Variants in LRRC72 observed in about 807,000 individuals in gnomAD.
LRRC72 encodes the protein leucine-rich repeat-containing protein 72.
Under a neutral mutation model 35.8 loss-of-function variants are expected in LRRC72, and 41 were observed. The ratio of observed to expected loss-of-function variants is 1.15; its 90% confidence interval spans 0.89 to 1.49. The LOEUF is 1.49. LRRC72 is among the 40% of genes most tolerant of loss of function. The pLI is 0.00. For missense variants in LRRC72, 389 were observed against 330.7 expected, an observed-to-expected ratio of 1.18 and a Z score of -1.37; for synonymous variants, 118 against 119.2, an observed-to-expected ratio of 0.99 and a Z score of 0.07.
At chr7:16,559,102 A>G in intron 5 of LRRC72, 103 bp downstream of exon 5, 1 of 677,896 alleles carries the variant, frequency 1.5e-6, no homozygotes, top group South Asian at 2.4e-5. Flanking sequence ...GTTTATAATT[A>G]AGATATTTAG....
Position 16,569,118 on chromosome 7 carries a change from C to T in LRRC72, c.670+1575C>T, listed in dbSNP as rs77072024. 7.4e-4 allele frequency among the ~76,000 whole-genome samples: 112 copies of T among 152,234 alleles called. 2 individuals are homozygous for T. The East Asian group carries it at 0.017, about 23-fold the overall frequency. The stretch of plus-strand genomic sequence containing the variant: ...TATATTTACCGCCCTCCATATCTGA[C>T]GCTTTGCCTCTTTATTTAAGGACAG... On this transcript the variant is annotated intron_variant, in intron 7 of 8. Transcript: ENST00000401542.
At chr7:16,532,432 G>C (rs942640377) in intron 1 of LRRC72, 63 bp from the exon 2 acceptor site, 1 of 1,137,098 alleles carries the variant, frequency 8.8e-7, no homozygotes, top group African/African-American at 1.5e-5. Context: ...GTTACTGACT[G>C]CAAGTGCCTC....
In LRRC72 at chr7:16,532,546, T is replaced by C; in HGVS notation, c.142T>C (p.Phe48Leu). 1 of 1,549,720 alleles carries C rather than the reference T, an allele frequency of 6.5e-7. No homozygotes were observed. Among genetic ancestry groups the C allele is most frequent in the Non-Finnish European group, 8.7e-7 (1 of 1,146,140 alleles). Reference sequence around the variant, plus strand: ...TGGCCACAGGAGGGATGCTGATGTCTTTGAGCTGTTCCTTTCTAAAAAGTA... The same window carrying C: ...TGGCCACAGGAGGGATGCTGATGTCCTTGAGCTGTTCCTTTCTAAAAAGTA... ...ICGHRRDADVFELFLSKKELT... is the reference protein window; with the variant it reads ...ICGHRRDADVLELFLSKKELT... The change falls in exon 2 of 9, where the codon TTT becomes CTT. Residue 48 changes from phenylalanine (F) to leucine (L), a missense_variant. Physicochemically the swap from Phe to Leu is conservative, Grantham distance 22. Coordinates refer to ENST00000401542, the MANE Select transcript of LRRC72 (RefSeq NM_001195280.2).
chr7:16,535,991 G>A (rs1337926306), intron 2 of LRRC72, among the ~76,000 whole-genome samples: 1 of 152,144 alleles, frequency 6.6e-6, no homozygotes, highest in Non-Finnish European at 1.5e-5. Flanking sequence ...TCCTGCCTCA[G>A]TCTCCTAAGT....
chr7:16,559,031 T>G, intron 5 of LRRC72, 32 bp downstream of exon 5: 1 of 1,187,546 alleles, frequency 8.4e-7, no homozygotes, highest in Non-Finnish European at 1.2e-6. Context: ...TGGCCATAAG[T>G]TAAAATAGTA....
chr7:16,561,171 T>G (rs1008223691), intron 5 of LRRC72, among the ~76,000 whole-genome samples: 5 of 152,198 alleles, frequency 3.3e-5, no homozygotes, highest in African/African-American at 1.2e-4. Flanking sequence ...AGGACTCAAA[T>G]TTGAACAAGA....
chr7:16,558,903 C>T lies in LRRC72; in HGVS notation c.331C>T (p.Pro111Ser). 2 of 1,466,370 alleles carry T rather than the reference C, an allele frequency of 1.4e-6. No individual in the cohort carries two copies. The highest frequency in any genetic ancestry group is 2.9e-5 in the South Asian group (2 of 68,404). The allele number at this position is 1,466,370 out of a possible 1,614,324, so 90.8% of individuals were successfully genotyped here. The stretch of plus-strand genomic sequence containing the variant: ...GTTTTTTTTAGGTCTGCATTATTTG[C>T]CTTCATTGCATATACTCCTGCTACA... ...IFEIEGLHYL[P>S]SLHILLLHHN... Residue 111 changes from proline (P) to serine (S), a missense_variant, in exon 5 of 9, where the codon CCT becomes TCT. By Grantham distance (74) the Pro-to-Ser change is moderately conservative. Coordinates refer to ENST00000401542, the MANE Select transcript of LRRC72 (RefSeq NM_001195280.2).
At chr7:16,534,315 T>A (rs150641589) in intron 2 of LRRC72, among the ~76,000 whole-genome samples, 29 of 152,312 alleles carry the variant, frequency 1.9e-4, no homozygotes, top group African/African-American at 5.3e-4. Flanking sequence ...CACCTTATAA[T>A]GTAACAGCCC....
intron 3 of LRRC72, among the ~76,000 whole-genome samples, chr7:16,541,133 A>G (rs1260832679): frequency 6.6e-6 from 1 of 152,198 alleles, no homozygotes; most frequent in Non-Finnish European, 1.5e-5. Context: ...CAAGCAAAAG[A>G]GCAAGACCGA....
Position 16,558,225 on chromosome 7 carries a change from G to GA in LRRC72, c.317-656dup, listed in dbSNP as rs1012635990. ...TATAAATCTAAGTAGCATTGACAAG[G>GA]AAAAAAAACCCCAAAACTAAAACCA... On this transcript the variant is annotated intron_variant, in intron 4 of 8. Coordinates refer to ENST00000401542, the MANE Select transcript of LRRC72 (RefSeq NM_001195280.2). Among the ~76,000 whole-genome samples the GA allele has an allele frequency of 7.3e-5, 11 of 151,672 alleles. 1 individual carries two copies. The highest frequency in any genetic ancestry group is 2.2e-4 in the African/African-American group (9 of 41,376).
At chr7:16,567,018 T>C (rs1782856199) in intron 6 of LRRC72, among the ~76,000 whole-genome samples, 2 of 152,152 alleles carry the variant, frequency 1.3e-5, no homozygotes, top group Admixed American at 1.3e-4. Context: ...TTCTTAATAG[T>C]TTATTACTGA....
chr7:16,527,102 A>C, intron 1 of LRRC72, 60 bp downstream of exon 1: 1 of 1,384,882 alleles, frequency 7.2e-7, no homozygotes, highest in Non-Finnish European at 9.9e-7. Flanking sequence ...CCAGGGCCCC[A>C]CCTCCTGCCT....
intron 3 of LRRC72, among the ~76,000 whole-genome samples, chr7:16,540,349 A>G (rs536309332): frequency 2.5e-4 from 38 of 152,320 alleles, no homozygotes; most frequent in Non-Finnish European, 4.7e-4. Flanking sequence ...CATTTACCCA[A>G]TGCCTGTACC....
intron 3 of LRRC72, among the ~76,000 whole-genome samples, chr7:16,540,805 AC>A (rs776736870): frequency 1.6e-4 from 24 of 152,146 alleles, no homozygotes; most frequent in Non-Finnish European, 3.5e-4. Context: ...TTTGCCTTAC[AC>A]CATGACTGTA....
intron 2 of LRRC72, among the ~76,000 whole-genome samples, chr7:16,536,319 G>C (rs1158388650): frequency 6.6e-6 from 1 of 151,974 alleles, no homozygotes; most frequent in African/African-American, 2.4e-5. Context: ...GAACAACAGG[G>C]AAAAATTTGA....
At chr7:16,546,317 C>T (rs1782442094) in intron 3 of LRRC72, among the ~76,000 whole-genome samples, 2 of 151,970 alleles carry the variant, frequency 1.3e-5, no homozygotes, top group Admixed American at 1.3e-4. Context: ...GTTTTTCAAC[C>T]TTGCTACTAT....
Position 16,567,434 on chromosome 7 carries a change from C to A in LRRC72, c.561C>A (p.Asn187Lys). ...KERRSMITIF[N>K]HKKAHIVQSI... The stretch of plus-strand genomic sequence containing the variant: ...GAAGATCAATGATTACCATTTTTAA[C>A]CATAAAAAGGCTCATATCGTTCAAT... Residue 187 changes from asparagine (N) to lysine (K), a missense_variant, in exon 7 of 9, where the codon AAC becomes AAA. Transcript: ENST00000401542. 1 of 1,514,338 alleles carries A rather than the reference C, an allele frequency of 6.6e-7. No homozygotes were observed. Among genetic ancestry groups the A allele is most frequent in the Non-Finnish European group, 8.8e-7 (1 of 1,130,798 alleles). 93.8% of individuals were successfully genotyped at this position (1,514,338 alleles called of 1,614,324 possible). A position where few individuals can be genotyped will look rare whatever the true frequency, so the allele number is the denominator to read the frequency against.
At chr7:16,563,141 G>A (rs1343456222) in intron 5 of LRRC72, among the ~76,000 whole-genome samples, 1 of 152,088 alleles carries the variant, frequency 6.6e-6, no homozygotes, top group African/African-American at 2.4e-5. Context: ...ATTAAAATTG[G>A]GATGTTGGTC....
At position 16,581,398 on chromosome 7, in the gene LRRC72, T is replaced by G; in HGVS notation, c.773T>G (p.Met258Arg). The part of the protein sequence containing the change: ...MKRSVMTLTS[M>R]NWDTVPTREE... ...AGATCAGTGATGACTTTGACCTCTA[T>G]GAACTGGGACACAGTTCCAACACGA... Residue 258 changes from methionine to arginine, a missense_variant, in exon 9 of 9, where the codon ATG becomes AGG. Met to Arg is a moderately conservative substitution (Grantham distance 91). Transcript: ENST00000401542. 6.5e-7 allele frequency: 1 copy of G among 1,550,358 alleles called. No homozygotes were observed. Among genetic ancestry groups the G allele is most frequent in the Non-Finnish European group, 8.7e-7 (1 of 1,146,744 alleles).
Sources: allele counts gnomAD v4.1 joint callset (sites outside exome capture counted in the v4.1 genomes callset), GRCh38; gene constraint gnomAD v4.1.1; transcripts MANE v1.5; gene names NCBI Gene and HGNC (gene_info 2026-07-23, HGNC 2026-07-21).